The following QRICH1 variants were observed in gnomAD, a reference collection of about 807,000 sequenced individuals.
QRICH1 encodes glutamine rich 1.
Under a neutral mutation model 87.1 loss-of-function variants are expected in QRICH1, and 16 were observed. The observed-to-expected ratio is 0.18, with a 90% confidence interval of 0.12 to 0.28. QRICH1 has a LOEUF of 0.28. Ranked by LOEUF, QRICH1 falls within the 10% of genes least tolerant of loss-of-function variation. The pLI is 1.00. For missense variants in QRICH1, 647 were observed against 951.7 expected (o/e 0.68, Z 4.21); for synonymous variants, 367 against 368.4 (o/e 1.00, Z 0.05).
intron 1 of QRICH1, among the ~76,000 whole-genome samples, chr3:49,079,426 T>C: frequency 6.8e-6 from 1 of 147,980 alleles, no homozygotes; most frequent in Non-Finnish European, 1.5e-5. Flanking sequence ...ATAATTATAA[T>C]AAAATATTAT....
In QRICH1 at chr3:49,030,397, G is replaced by A. The variant is rs1313489905; in HGVS notation, c.*55C>T. ...AAAATGGAGGCCTCTTCTTTAGTGT[G>A]AAAGTCTGTCTGGTTTTTCCTGGCT... On this transcript the variant is annotated 3_prime_UTR_variant, in exon 10 of 10. Transcript: ENST00000395443. 9.7e-6 allele frequency: 15 copies of A among 1,546,594 alleles called. No homozygotes were observed. The highest frequency in any genetic ancestry group is 1.1e-5 in the Non-Finnish European group (13 of 1,130,498).
rs74663572 is a variant in QRICH1, at chr3:49,068,753, T to C, written c.309+7956A>G. Among the ~76,000 whole-genome samples, 8,231 of 151,188 alleles carry C rather than the reference T, an allele frequency of 0.054. 1,663 individuals carry two copies. In the East Asian group the frequency reaches 0.61, roughly 11 times the overall value. ...AAGTGATCCTCCAGCCTCAGCCTCCTGAGTAGCTGGGATCACAGTCATGCA... is the reference window on the plus strand; with the variant it reads ...AAGTGATCCTCCAGCCTCAGCCTCCCGAGTAGCTGGGATCACAGTCATGCA... On this transcript the variant is annotated intron_variant, in intron 2 of 9. Transcript: ENST00000395443.
chr3:49,093,804 G>A (rs1032399025), intron 1 of QRICH1, 108 bp downstream of exon 1: 1 of 365,918 alleles, frequency 2.7e-6, no homozygotes, highest in African/African-American at 2.1e-5. Flanking sequence ...GAACTCTCCA[G>A]GGCCCAGCGG....
At chr3:49,065,138 CTT>C (rs541974005) in intron 2 of QRICH1, among the ~76,000 whole-genome samples, 29 of 143,812 alleles carry the variant, frequency 2.0e-4, no homozygotes, top group Admixed American at 2.1e-4. Context: ...TTGGAAACCT[CTT>C]TTTTTTTTTT....
At chr3:49,079,589 G>A (rs1035481298) in intron 1 of QRICH1, among the ~76,000 whole-genome samples, 7 of 151,444 alleles carry the variant, frequency 4.6e-5, no homozygotes, top group Non-Finnish European at 8.8e-5. Flanking sequence ...CACATAAAGA[G>A]AGCATCAGGC....
chr3:49,040,905 T>C (rs949323769), intron 6 of QRICH1, among the ~76,000 whole-genome samples: 7 of 152,220 alleles, frequency 4.6e-5, no homozygotes, highest in African/African-American at 1.7e-4. Flanking sequence ...ATTTCTGCCA[T>C]TCTAATAAAT....
At chr3:49,047,876 A>G (rs1279973043) in intron 3 of QRICH1, among the ~76,000 whole-genome samples, 1 of 152,108 alleles carries the variant, frequency 6.6e-6, no homozygotes, top group Non-Finnish European at 1.5e-5. Context: ...CTCCTTGAGT[A>G]AGATTGCACC....
At chr3:49,032,350 G>C (rs1022782475) in intron 8 of QRICH1, 77 bp from the exon 9 acceptor site, 8 of 1,077,742 alleles carry the variant, frequency 7.4e-6, no homozygotes, top group Middle Eastern at 4.1e-4. Context: ...GGAAACTTAG[G>C]CTTTCAGCCA....
chr3:49,035,757 C>T (rs2093270948), intron 6 of QRICH1, among the ~76,000 whole-genome samples: 1 of 152,064 alleles, frequency 6.6e-6, no homozygotes, highest in Non-Finnish European at 1.5e-5. Context: ...CATTGTACTC[C>T]AGCCTGGGAG....
intron 4 of QRICH1, 40 bp downstream of exon 4, chr3:49,047,029 G>C: frequency 6.3e-7 from 1 of 1,583,658 alleles, no homozygotes; most frequent in Non-Finnish European, 8.6e-7. Flanking sequence ...TAGTACCATT[G>C]CATTTTAGAC....
At chr3:49,092,838 A>T (rs183688212) in intron 1 of QRICH1, among the ~76,000 whole-genome samples, 1 of 152,226 alleles carries the variant, frequency 6.6e-6, no homozygotes, top group Non-Finnish European at 1.5e-5. Context: ...CTGCAATTTC[A>T]AAAAAGGTAA....
chr3:49,092,203 C>T (rs1160293937), intron 1 of QRICH1: 2 of 152,122 alleles, frequency 1.3e-5, no homozygotes, highest in African/African-American at 2.4e-5. Flanking sequence ...GACTTATATC[C>T]TAAGAGGAGA....
chr3:49,058,302 G>C (rs531248202), intron 2 of QRICH1, among the ~76,000 whole-genome samples: 1 of 151,168 alleles, frequency 6.6e-6, no homozygotes, highest in East Asian at 2.0e-4. Context: ...AGACATGCTG[G>C]AGTCTAACAA....
intron 8 of QRICH1, 109 bp from the exon 9 acceptor site, chr3:49,032,382 TC>T (rs2093246610): frequency 6.9e-6 from 3 of 433,834 alleles, no homozygotes; most frequent in Non-Finnish European, 7.6e-6. Context: ...AAATACAGGG[TC>T]GGGGGAGGGA....
intron 2 of QRICH1, among the ~76,000 whole-genome samples, chr3:49,071,770 G>A (rs2041833370): frequency 6.6e-6 from 1 of 152,202 alleles, no homozygotes; most frequent in African/African-American, 2.4e-5. Context: ...ACAGCTCGCT[G>A]CAACCATGAC....
intron 6 of QRICH1, among the ~76,000 whole-genome samples, chr3:49,041,330 A>C (rs949358020): frequency 7.9e-6 from 1 of 126,534 alleles, no homozygotes; most frequent in Non-Finnish European, 1.7e-5. Context: ...ATCTGGTCAG[A>C]TATTTAATAT....
intron 6 of QRICH1, among the ~76,000 whole-genome samples, chr3:49,039,411 T>G (rs1280606716): frequency 6.6e-6 from 1 of 151,850 alleles, no homozygotes; most frequent in African/African-American, 2.4e-5. Context: ...CTGGGCCCGG[T>G]GGCTCATGCC....
chr3:49,052,395 G>C (rs2093376099), intron 3 of QRICH1, among the ~76,000 whole-genome samples: 1 of 152,166 alleles, frequency 6.6e-6, no homozygotes, highest in Non-Finnish European at 1.5e-5. Flanking sequence ...TGTGGAAAAG[G>C]TTCCAAACAG....
chr3:49,074,489 G>A (rs1325792929), intron 2 of QRICH1, among the ~76,000 whole-genome samples: 2 of 151,936 alleles, frequency 1.3e-5, no homozygotes, highest in Admixed American at 6.6e-5. Context: ...GGAGAATGGC[G>A]TGAACCCGGG....
Sources: gnomAD v4.1 joint callset for allele counts (sites outside exome capture counted in the v4.1 genomes callset) on GRCh38, gnomAD v4.1.1 for gene constraint, MANE v1.5 for transcripts, NCBI Gene and HGNC (gene_info 2026-07-23, HGNC 2026-07-21) for gene names.